Variants in CCR3 observed in about 807,000 individuals in gnomAD.
The protein encoded by CCR3 is C-C chemokine receptor type 3.
For synonymous variants in CCR3, 203 were observed against 179.2 expected (o/e 1.13, Z -1.06); for missense variants, 419 against 437.5 (o/e 0.96, Z 0.38).
chr3:46,212,064 C>G (rs1699720994), intron 2 of CCR3, among the ~76,000 whole-genome samples: 1 of 152,160 alleles, frequency 6.6e-6, no homozygotes. Context: ...ACACATCATC[C>G]ATGGCATCCA....
chr3:46,265,672 T>C lies in CCR3; in HGVS notation c.514T>C (p.Tyr172His), dbSNP rs751052121. Residue 172 changes from tyrosine to histidine, a missense_variant, in exon 2 of 2, where the codon TAT becomes CAT. By Grantham distance (83) the Tyr-to-His change is moderately conservative. Transcript: ENST00000395940. Reference protein sequence around the residue: ...VLAALPEFIFYETEELFEETL... With the variant: ...VLAALPEFIFHETEELFEETL... ...AGCAGCTCTTCCTGAATTTATCTTC[T>C]ATGAGACTGAAGAGTTGTTTGAAGA... is the stretch of plus-strand genomic sequence containing the variant. The C allele has an allele frequency of 6.2e-7, 1 of 1,614,146 alleles. No individual in the cohort carries two copies. Among genetic ancestry groups the C allele is most frequent in the South Asian group, 1.1e-5 (1 of 91,078 alleles).
intron 2 of CCR3, among the ~76,000 whole-genome samples, chr3:46,236,521 A>G (rs1193393285): frequency 4.6e-5 from 7 of 152,218 alleles, no homozygotes; most frequent in Admixed American, 2.0e-4. Context: ...GGCTGCGTCA[A>G]ACTGCCCACA....
intron 2 of CCR3, among the ~76,000 whole-genome samples, chr3:46,223,218 G>T (rs1465056191): frequency 6.6e-6 from 1 of 152,196 alleles, no homozygotes; most frequent in Non-Finnish European, 1.5e-5. Flanking sequence ...TGGGTGTGGT[G>T]GTGGACATCT....
intron 1 of CCR3, among the ~76,000 whole-genome samples, chr3:46,244,449 C>A (rs1700153443): frequency 6.6e-6 from 1 of 152,142 alleles, no homozygotes; most frequent in African/African-American, 2.4e-5. Context: ...TGGGTGCAGG[C>A]AGGCTGAGTC....
intron 2 of CCR3, among the ~76,000 whole-genome samples, chr3:46,229,791 C>G (rs2125924953): frequency 6.6e-6 from 1 of 152,170 alleles, no homozygotes. Context: ...TATCTTAGAT[C>G]ATGATCCTGG....
Position 46,215,491 on chromosome 3 carries a change from T to A in CCR3, c.-68+4584T>A, listed in dbSNP as rs188214852. 9.2e-5 allele frequency among the ~76,000 whole-genome samples: 14 copies of A among 152,282 alleles called. No homozygotes were observed. The East Asian group carries it at 1.7e-3, about 19-fold the overall frequency. On this transcript the variant is annotated intron_variant, in intron 2 of 3. Coordinates refer to the CCR3 transcript ENST00000357422. ...TGCTGGACCCTGCTGTTCAAAGTGA[T>A]GGCAAAACCTGAGAGCTTACCAGAA... is the stretch of plus-strand genomic sequence containing the variant.
chr3:46,226,521 GTT>G (rs1699898186), intron 2 of CCR3, among the ~76,000 whole-genome samples: 1 of 152,068 alleles, frequency 6.6e-6, no homozygotes, highest in African/African-American at 2.4e-5. Flanking sequence ...ATTGACTTTT[GTT>G]TCCTGGTTTT....
At chr3:46,211,691 A>C (rs73830801) in intron 2 of CCR3, among the ~76,000 whole-genome samples, 3,159 of 152,298 alleles carry the variant, frequency 0.021, 102 homozygotes, top group African/African-American at 0.071. Flanking sequence ...CAAAAGGAAC[A>C]ACAGTATCAG....
chr3:46,263,676 C>T (rs778046543), intron 1 of CCR3: 1 of 152,184 alleles, frequency 6.6e-6, no homozygotes, highest in Non-Finnish European at 1.5e-5. Flanking sequence ...CACATACACT[C>T]TCATTTTTCC....
In CCR3 at chr3:46,266,022, G is replaced by T. The variant is rs762719750; in HGVS notation, c.864G>T (p.Val288=). 5 of 1,614,044 alleles carry T rather than the reference G, an allele frequency of 3.1e-6. No homozygotes were observed. The highest frequency in any genetic ancestry group is 4.2e-6 in the Non-Finnish European group (5 of 1,179,996). The change falls in exon 2 of 2, where the codon GTG becomes GTT. Residue 288 remains valine, a synonymous_variant. Coordinates refer to ENST00000395940, the MANE Select transcript of CCR3 (RefSeq NM_178329.3). ...ACCTGGTCATGCTGGTGACAGAGGT[G>T]ATCGCCTACTCCCACTGCTGCATGA... ...HLDLVMLVTE[V]IAYSHCCMNP...
chr3:46,254,969 A>T (rs1193234584), intron 1 of CCR3, among the ~76,000 whole-genome samples: 1 of 152,172 alleles, frequency 6.6e-6, no homozygotes, highest in Non-Finnish European at 1.5e-5. Flanking sequence ...TTCTTCAAGG[A>T]ATCACCACAT....
At chr3:46,238,990 GA>G (rs1700050149), upstream of CCR3, among the ~76,000 whole-genome samples, 2 of 152,166 alleles carry the variant, frequency 1.3e-5, no homozygotes, top group Admixed American at 1.3e-4. Context: ...TTTGAGGTGT[GA>G]AAATGTCCTG....
At chr3:46,255,987 G>A (rs1188481675) in intron 1 of CCR3, among the ~76,000 whole-genome samples, 7 of 151,952 alleles carry the variant, frequency 4.6e-5, no homozygotes, top group African/African-American at 1.7e-4. Context: ...GTTGTTTTTT[G>A]CAGTATGGTC....
At chr3:46,246,144 G>C (rs1700185049) in intron 1 of CCR3, among the ~76,000 whole-genome samples, 1 of 152,188 alleles carries the variant, frequency 6.6e-6, no homozygotes, top group African/African-American at 2.4e-5. Context: ...TCTGGACAGT[G>C]CAAAGCAGAG....
chr3:46,245,317 C>A (rs1438145040), intron 1 of CCR3, among the ~76,000 whole-genome samples: 1 of 149,834 alleles, frequency 6.7e-6, no homozygotes, highest in African/African-American at 2.5e-5. Context: ...GAAAGTTCTT[C>A]CCCATGTGTG....
intron 2 of CCR3, among the ~76,000 whole-genome samples, chr3:46,223,325 G>A (rs751598753): frequency 1.3e-5 from 2 of 152,074 alleles, no homozygotes; most frequent in Non-Finnish European, 2.9e-5. Flanking sequence ...GGGTGACAGA[G>A]CAAGACTCTG....
intron 2 of CCR3, among the ~76,000 whole-genome samples, chr3:46,219,958 A>G (rs1699816382): frequency 6.6e-6 from 1 of 152,234 alleles, no homozygotes; most frequent in African/African-American, 2.4e-5. Context: ...AGAACCCAAA[A>G]GCAAATGCAA....
intron 1 of CCR3, among the ~76,000 whole-genome samples, chr3:46,253,965 T>G (rs1001345855): frequency 2.0e-5 from 3 of 151,840 alleles, no homozygotes; most frequent in Non-Finnish European, 4.4e-5. Flanking sequence ...CTGATTTATG[T>G]ACCAAAGAAT....
intron 1 of CCR3, among the ~76,000 whole-genome samples, chr3:46,243,000 TATACGC>T (rs1559531059): frequency 1.9e-5 from 2 of 106,768 alleles, no homozygotes; most frequent in Non-Finnish European, 3.6e-5. Context: ...TATATATATA[TATACGC>T]ACACACACAT....
Sources: gnomAD v4.1 joint callset for allele counts (sites outside exome capture counted in the v4.1 genomes callset) on GRCh38, gnomAD v4.1.1 for gene constraint, MANE v1.5 for transcripts, NCBI Gene and HGNC (gene_info 2026-07-23, HGNC 2026-07-21) for gene names.